Variants in TBL1XR1 observed in about 807,000 individuals in gnomAD.
The protein encoded by TBL1XR1 is F-box-like/WD repeat-containing protein TBL1XR1.
A neutral mutation model predicts 66.9 loss-of-function variants in TBL1XR1; 5 were observed. The observed-to-expected ratio is 0.07, with a 90% confidence interval of 0.04 to 0.16. The LOEUF (loss-of-function observed/expected upper bound fraction) is 0.16, where lower values mean the gene tolerates loss of function less well. Among genes scored for constraint, TBL1XR1 ranks in the 10% least tolerant of loss-of-function variants. TBL1XR1 has a pLI of 1.00. For missense variants in TBL1XR1, 238 were observed against 623.2 expected (o/e 0.38, Z 6.58); for synonymous variants, 210 against 206.0 (o/e 1.02, Z -0.17).
intron 12 of TBL1XR1, among the ~76,000 whole-genome samples, chr3:177,035,432 G>A (rs1195731164): frequency 6.8e-5 from 4 of 58,406 alleles, no homozygotes; most frequent in African/African-American, 3.1e-4. Context: ...TTTTTTTTTT[G>A]GAGATGAAGT....
chr3:177,105,397 A>G (rs1383696127), intron 1 of TBL1XR1, among the ~76,000 whole-genome samples: 1 of 152,208 alleles, frequency 6.6e-6, no homozygotes, highest in African/African-American at 2.4e-5. Context: ...ACGAAGATCT[A>G]AGAAATAATA....
At chr3:177,176,059 T>TAA (rs1217018820) in intron 1 of TBL1XR1, among the ~76,000 whole-genome samples, 6 of 127,616 alleles carry the variant, frequency 4.7e-5, no homozygotes, top group African/African-American at 1.4e-4. Context: ...ACTCTGTCTC[T>TAA]AAAAAAAAAA....
At chr3:177,176,519 A>C (rs1371615650) in intron 1 of TBL1XR1, among the ~76,000 whole-genome samples, 1 of 149,078 alleles carries the variant, frequency 6.7e-6, no homozygotes, top group Non-Finnish European at 1.5e-5. Flanking sequence ...TATTATTTAA[A>C]TGTTTGATTA....
At chr3:177,084,097 AAAAAAG>A (rs1427730862) in intron 2 of TBL1XR1, among the ~76,000 whole-genome samples, 199 of 151,132 alleles carry the variant, frequency 1.3e-3, no homozygotes, top group Non-Finnish European at 2.4e-3. Context: ...CAAAAAAAAA[AAAAAAG>A]AAAAAAGAAA....
intron 1 of TBL1XR1, among the ~76,000 whole-genome samples, chr3:177,116,647 A>G (rs556453954): frequency 6.6e-6 from 1 of 152,286 alleles, no homozygotes; most frequent in Non-Finnish European, 1.5e-5. Context: ...CTACAATAAT[A>G]CTGTTACTCT....
chr3:177,116,638 T>C (rs951439151), intron 1 of TBL1XR1, among the ~76,000 whole-genome samples: 1 of 152,182 alleles, frequency 6.6e-6, no homozygotes, highest in Non-Finnish European at 1.5e-5. Context: ...GAATAAGAAC[T>C]ACAATAATAC....
chr3:177,135,338 CATATATATATATATATATATATATAT>C lies in TBL1XR1; in HGVS notation c.-121-36823_-121-36798del, dbSNP rs1177634107. On this transcript the variant is annotated intron_variant, in intron 1 of 15. Transcript: ENST00000457928. ...GTGTGTGTGTGTGTGTGTGTGTATA[CATATATATATATATATATATATATAT>C]ATATATATATATATATATGTATGTA... 3.6e-4 allele frequency among the ~76,000 whole-genome samples: 8 copies of C among 22,484 alleles called. 2 individuals are homozygous for C. The South Asian group carries it at 4.5e-3, about 13-fold the overall frequency. The allele number at this position is 22,484 out of a possible 152,430, so 14.8% of individuals were successfully genotyped here. A position where few individuals can be genotyped will look rare whatever the true frequency, so the allele number is the denominator to read the frequency against.
intron 1 of TBL1XR1, among the ~76,000 whole-genome samples, chr3:177,161,436 A>T (rs1732197814): frequency 6.6e-6 from 1 of 152,186 alleles, no homozygotes; most frequent in Non-Finnish European, 1.5e-5. Flanking sequence ...CAGTGACTCA[A>T]ATGCAAGTAA....
intron 1 of TBL1XR1, among the ~76,000 whole-genome samples, chr3:177,175,379 T>C (rs143467818): frequency 6.6e-6 from 1 of 152,196 alleles, no homozygotes; most frequent in Non-Finnish European, 1.5e-5. Context: ...TGAAACAGAA[T>C]GTAACAAATG....
intron 15 of TBL1XR1, 31 bp downstream of exon 15, chr3:177,026,342 A>C (rs758674368): frequency 6.4e-7 from 1 of 1,560,382 alleles, no homozygotes; most frequent in Admixed American, 1.7e-5. Context: ...ACCCACCCAC[A>C]CCCTCTTTGG....
chr3:177,078,597 A>AAG (rs1560149287), intron 2 of TBL1XR1: 1 of 151,546 alleles, frequency 6.6e-6, no homozygotes, highest in Non-Finnish European at 1.5e-5. Flanking sequence ...TCAAAAAAAA[A>AAG]AAAATAAAGT....
chr3:177,091,102 A>T (rs541739613), intron 2 of TBL1XR1: 1 of 152,116 alleles, frequency 6.6e-6, no homozygotes, highest in African/African-American at 2.4e-5. Context: ...ACCCAACTAT[A>T]TATCAAATTG....
At chr3:177,059,200 T>G (rs1216940108) in intron 3 of TBL1XR1, among the ~76,000 whole-genome samples, 1 of 152,146 alleles carries the variant, frequency 6.6e-6, no homozygotes, top group Non-Finnish European at 1.5e-5. Context: ...TCAACCTGAC[T>G]CCATCGAATA....
intron 1 of TBL1XR1, among the ~76,000 whole-genome samples, chr3:177,183,898 C>CTGAGA (rs1487382454): frequency 1.3e-5 from 2 of 152,018 alleles, no homozygotes; most frequent in African/African-American, 4.8e-5. Context: ...AAGTCAGGAG[C>CTGAGA]TCGAGACCAG....
intron 12 of TBL1XR1, among the ~76,000 whole-genome samples, chr3:177,035,604 G>T (rs1714670005): frequency 6.6e-6 from 1 of 152,028 alleles, no homozygotes; most frequent in Non-Finnish European, 1.5e-5. Context: ...AGCAGAGATG[G>T]GGTTTCACCA....
At chr3:177,041,459 A>G (rs1715575443) in intron 10 of TBL1XR1, among the ~76,000 whole-genome samples, 2 of 152,154 alleles carry the variant, frequency 1.3e-5, no homozygotes, top group East Asian at 1.9e-4. Context: ...CCTGCTTCCC[A>G]TATTTCTTCA....
intron 10 of TBL1XR1, among the ~76,000 whole-genome samples, chr3:177,040,116 G>C (rs948899425): frequency 1.3e-5 from 2 of 152,158 alleles, no homozygotes; most frequent in Non-Finnish European, 2.9e-5. Flanking sequence ...CCAGGTGTTT[G>C]AGACCAGCCT....
At chr3:177,147,452 C>A (rs1399303889) in intron 1 of TBL1XR1, among the ~76,000 whole-genome samples, 1 of 152,148 alleles carries the variant, frequency 6.6e-6, no homozygotes, top group Non-Finnish European at 1.5e-5. Flanking sequence ...TCCAAAACAT[C>A]ACTTTTGAGC....
intron 1 of TBL1XR1, among the ~76,000 whole-genome samples, chr3:177,156,287 C>T (rs987546964): frequency 6.0e-5 from 9 of 150,982 alleles, no homozygotes; most frequent in Non-Finnish European, 4.4e-5. Flanking sequence ...GATCTGACAT[C>T]AGGAGTTTGA....
Sources: allele counts gnomAD v4.1 joint callset (sites outside exome capture counted in the v4.1 genomes callset), GRCh38; gene constraint gnomAD v4.1.1; transcripts MANE v1.5; gene names NCBI Gene and HGNC (gene_info 2026-07-23, HGNC 2026-07-21).